The following ZNF536 variants were observed in gnomAD, a reference collection of about 807,000 sequenced individuals.
The protein encoded by ZNF536 is zinc finger protein 536.
In ZNF536, 13 loss-of-function variants were observed where a neutral mutation model predicts 84.5. The ratio of observed to expected loss-of-function variants is 0.15; its 90% CI spans 0.10 to 0.24. The LOEUF (loss-of-function observed/expected upper bound fraction) is 0.24. Among genes scored for constraint, ZNF536 ranks in the 10% least tolerant of loss-of-function variants. ZNF536 has a pLI of 1.00. For missense variants in ZNF536, 1,536 were observed against 1,747.5 expected (o/e 0.88, Z 2.16); for synonymous variants, 811 against 742.5 (o/e 1.09, Z -1.50).
At chr19:30,326,210 T>A (rs1001391008) in intron 2 of ZNF536, among the ~76,000 whole-genome samples, 1 of 152,120 alleles carries the variant, frequency 6.6e-6, no homozygotes, top group Admixed American at 6.5e-5. Flanking sequence ...AAGAGGGCCG[T>A]CCCCATTGCC....
chr19:30,260,977 T>C (rs1029013279), intron 1 of ZNF536, among the ~76,000 whole-genome samples: 1 of 152,174 alleles, frequency 6.6e-6, no homozygotes, highest in African/African-American at 2.4e-5. Context: ...ATACATAGAT[T>C]ATTGGATATC....
intron 1 of ZNF536, among the ~76,000 whole-genome samples, chr19:30,705,360 G>C (rs2052181664): frequency 6.6e-6 from 1 of 151,610 alleles, no homozygotes; most frequent in African/African-American, 2.4e-5. Context: ...TATGGATATA[G>C]AATAAAACGC....
chr19:30,416,073 A>G (rs1460326301), intron 1 of ZNF536, among the ~76,000 whole-genome samples: 1 of 152,146 alleles, frequency 6.6e-6, no homozygotes, highest in East Asian at 1.9e-4. Flanking sequence ...CATGTCAGGA[A>G]TTTGGCTGGG....
At chr19:30,676,116 A>C (rs2050745588) in intron 1 of ZNF536, among the ~76,000 whole-genome samples, 1 of 152,010 alleles carries the variant, frequency 6.6e-6, no homozygotes, top group Non-Finnish European at 1.5e-5. Context: ...CCTTCTCCCA[A>C]AGTATTGGGA....
intron 2 of ZNF536, among the ~76,000 whole-genome samples, chr19:30,488,214 C>T (rs192508878): frequency 6.6e-6 from 1 of 152,174 alleles, no homozygotes; most frequent in Non-Finnish European, 1.5e-5. Flanking sequence ...CCAGTTTGGA[C>T]CCAGATGTAT....
At chr19:30,686,736 G>A (rs974403547) in intron 1 of ZNF536, among the ~76,000 whole-genome samples, 1 of 152,128 alleles carries the variant, frequency 6.6e-6, no homozygotes, top group Admixed American at 6.5e-5. Flanking sequence ...AGCCTTCAGC[G>A]TCGCACACTC....
chr19:30,356,845 G>T (rs1156784656), intron 3 of ZNF536, among the ~76,000 whole-genome samples: 5 of 152,244 alleles, frequency 3.3e-5, no homozygotes, highest in African/African-American at 1.2e-4. Context: ...TGTGGGATCT[G>T]AGGCCAGAGA....
chr19:30,307,345 A>G (rs2046371035), intron 2 of ZNF536, among the ~76,000 whole-genome samples: 1 of 151,416 alleles, frequency 6.6e-6, no homozygotes. Flanking sequence ...TTCAGGGGGA[A>G]CGGTGATTAG....
At chr19:30,570,206 T>C (rs1370248810) in intron 1 of ZNF536, among the ~76,000 whole-genome samples, 1 of 152,140 alleles carries the variant, frequency 6.6e-6, no homozygotes. Flanking sequence ...TGCCCTGCCA[T>C]GCAGCTCACA....
intron 1 of ZNF536, among the ~76,000 whole-genome samples, chr19:30,644,244 A>C (rs1305081315): frequency 6.6e-6 from 1 of 152,170 alleles, no homozygotes; most frequent in East Asian, 1.9e-4. Context: ...TATTTTTAAA[A>C]ATTTCCTCCT....
In ZNF536 at chr19:30,523,880, G is replaced by T. The variant is rs2044467711; in HGVS notation, c.2171-10967G>T. ...TAAGGAGGCATCCCAGCCGGGCCTG[G>T]TGGATTTTTAGTTTCTTTCAATGTG... On this transcript the variant is annotated intron_variant, in intron 2 of 4. Coordinates refer to ENST00000355537, the MANE Select transcript of ZNF536 (RefSeq NM_014717.3). 2.0e-5 allele frequency among the ~76,000 whole-genome samples: 3 copies of T among 152,196 alleles called. No individual in the cohort carries two copies. In the South Asian group the frequency reaches 6.2e-4, roughly 32 times the overall value.
chr19:30,294,676 C>A (rs563083566), intron 2 of ZNF536, among the ~76,000 whole-genome samples: 1 of 152,006 alleles, frequency 6.6e-6, no homozygotes, highest in African/African-American at 2.4e-5. Flanking sequence ...GTGGCCAATG[C>A]CCCCATGAGT....
At chr19:30,621,294 T>G (rs1415216195) in intron 1 of ZNF536, among the ~76,000 whole-genome samples, 1 of 152,062 alleles carries the variant, frequency 6.6e-6, no homozygotes, top group African/African-American at 2.4e-5. Context: ...CTCTCATAGA[T>G]CATTACAGAT....
At chr19:30,672,235 G>T (rs1344392191) in intron 1 of ZNF536, among the ~76,000 whole-genome samples, 1 of 152,224 alleles carries the variant, frequency 6.6e-6, no homozygotes, top group African/African-American at 2.4e-5. Context: ...CCCATCCCCT[G>T]GAGGAGTCTG....
rs369267546 is a variant in ZNF536 at position 30,549,142 on chromosome 19, G to A, written c.3523G>A (p.Gly1175Arg). The A allele has an allele frequency of 1.2e-6, 2 of 1,614,070 alleles. No homozygotes were observed. Among genetic ancestry groups the A allele is most frequent in the Admixed American group, 3.3e-5 (2 of 60,028 alleles). Reference protein sequence around the residue: ...ASSEDMDSSKGENNDEEDVET... With the variant: ...ASSEDMDSSKRENNDEEDVET... ...CTCAGAGGACATGGACTCCTCCAAG[G>A]GGGAGAACAACGATGAAGAGGATGT... Residue 1175 changes from glycine (G) to arginine (R), a missense_variant, in exon 4 of 5, where the codon GGG (glycine) becomes AGG (arginine). Transcript: ENST00000355537.
In ZNF536 at chr19:30,383,814, CTCTT is replaced by C. The variant is rs1320247835; in HGVS notation, c.-3+11270_-3+11273del. ...TTTTCTTTCTTTTCTCTTTCTTTCT[CTCTT>C]TCTTTCTTTCTCCTTCTTTCCTTCC... is the stretch of plus-strand genomic sequence containing the variant. On this transcript the variant is annotated intron_variant, in intron 1 of 4. Transcript: ENST00000355537. 3.1e-3 allele frequency among the ~76,000 whole-genome samples: 444 copies of C among 142,082 alleles called. 4 individuals carry two copies. Among genetic ancestry groups the C allele is most frequent in the African/African-American group, 0.011 (404 of 37,374 alleles). The allele number at this position is 142,082 out of a possible 152,430, so 93.2% of individuals were successfully genotyped here.
chr19:30,233,934 C>T (rs1169823941), intron 1 of ZNF536, among the ~76,000 whole-genome samples: 1 of 152,174 alleles, frequency 6.6e-6, no homozygotes, highest in East Asian at 1.9e-4. Context: ...CAAAGCTCAT[C>T]CACCACACCC....
At position 30,548,451 on chromosome 19, in the gene ZNF536, C is replaced by T. The variant is rs2146202000; in HGVS notation, c.2832C>T (p.Pro944=). 6.2e-7 allele frequency: 1 copy of T among 1,614,168 alleles called. No individual in the cohort carries two copies. The highest frequency in any genetic ancestry group is 8.5e-7 in the Non-Finnish European group (1 of 1,180,036). Reference sequence around the variant, plus strand: ...TGAAGGACAAAGCCCTGGCTGACCCCCCTTCCATGAAAGTCCACGGAGTGG... The same window carrying T: ...TGAAGGACAAAGCCCTGGCTGACCCTCCTTCCATGAAAGTCCACGGAGTGG... ...KDMKDKALAD[P]PSMKVHGVDG... is the part of the protein sequence containing the mutation. Residue 944 remains proline, a synonymous_variant, in exon 4 of 5, where the codon CCC becomes CCT. Transcript: ENST00000355537.
chr19:30,459,445 G>A (rs142077927), intron 2 of ZNF536, among the ~76,000 whole-genome samples: 1 of 149,020 alleles, frequency 6.7e-6, no homozygotes, highest in Non-Finnish European at 1.5e-5. Context: ...CTGCTTTCCC[G>A]GTTCAAGTGA....
Sources: allele counts gnomAD v4.1 joint callset (sites outside exome capture counted in the v4.1 genomes callset), GRCh38; gene constraint gnomAD v4.1.1; transcripts MANE v1.5; gene names NCBI Gene and HGNC (gene_info 2026-07-23, HGNC 2026-07-21).